CHD6: variants seen among roughly 807,000 people sequenced by gnomAD.
The protein encoded by CHD6 is chromodomain helicase DNA binding protein 6.
In CHD6, 50 loss-of-function variants were observed where a neutral mutation model predicts 276.9. The ratio of observed to expected loss-of-function variants is 0.18; its 90% confidence interval spans 0.14 to 0.23. CHD6 has a LOEUF of 0.23. Ranked by LOEUF, CHD6 falls within the 10% of genes least tolerant of loss-of-function variation. The pLI is 1.00. For missense variants in CHD6, 2,564 were observed against 3,365.8 expected, an observed-to-expected ratio of 0.76 and a Z score of 5.89; for synonymous variants, 1,173 against 1,229.3, an observed-to-expected ratio of 0.95 and a Z score of 0.96.
At chr20:41,445,257 G>A (rs368610352) in intron 25 of CHD6, among the ~76,000 whole-genome samples, 4 of 152,228 alleles carry the variant, frequency 2.6e-5, no homozygotes, top group East Asian at 1.9e-4. Context: ...GTAGATTATC[G>A]AGAATGACCT....
chr20:41,430,120 G>A lies in CHD6; in HGVS notation c.4069-3967C>T, dbSNP rs374075134. 1.2e-3 allele frequency among the ~76,000 whole-genome samples: 179 copies of A among 152,318 alleles called. 4 individuals carry two copies. In the South Asian group the frequency reaches 0.036, roughly 31 times the overall value. ...GGGCAGCAGGCCTGGCTCAGATGCC[G>A]GCCATCCCTCTATGTGTGTGTGGTT... On this transcript the variant is annotated intron_variant, in intron 27 of 36. Coordinates refer to ENST00000373233, the MANE Select transcript of CHD6 (RefSeq NM_032221.5).
At chr20:41,585,850 T>C (rs186253463) in intron 1 of CHD6, among the ~76,000 whole-genome samples, 1 of 152,180 alleles carries the variant, frequency 6.6e-6, no homozygotes, top group South Asian at 2.1e-4. Context: ...TCCTGCAATA[T>C]ATAAAAAAGA....
chr20:41,605,489 T>C (rs2045818169), intron 1 of CHD6, among the ~76,000 whole-genome samples: 1 of 152,326 alleles, frequency 6.6e-6, no homozygotes, highest in South Asian at 2.1e-4. Context: ...TATCCCACAC[T>C]GAGTTCCTGA....
Position 41,455,944 on chromosome 20 carries a change from T to G in CHD6, c.2865A>C (p.Leu955=). 6.3e-7 allele frequency: 1 copy of G among 1,595,892 alleles called. No homozygotes were observed. The highest frequency in any genetic ancestry group is 8.5e-7 in the Non-Finnish European group (1 of 1,172,298). ...QQLSKMEVED[L]LRKGAYGALM... Reference sequence around the variant, plus strand: ...AGGCTCCATAAGCACCTTTCCGGAGTAGGTCCTCCACCTCCATTTTTGAGA... The same window carrying G: ...AGGCTCCATAAGCACCTTTCCGGAGGAGGTCCTCCACCTCCATTTTTGAGA... The change falls in exon 19 of 37, where the codon CTA becomes CTC. Residue 955 remains leucine, a synonymous_variant. Coordinates refer to ENST00000373233, the MANE Select transcript of CHD6 (RefSeq NM_032221.5).
chr20:41,556,134 C>T (rs1333349098), intron 1 of CHD6, among the ~76,000 whole-genome samples: 4 of 152,100 alleles, frequency 2.6e-5, no homozygotes, highest in Non-Finnish European at 4.4e-5. Context: ...CACCTGCAAT[C>T]GCAGGCACTC....
chr20:41,413,402 T>C lies in CHD6; in HGVS notation c.7053A>G (p.Lys2351=). The C allele has an allele frequency of 6.2e-7, 1 of 1,612,154 alleles. No individual in the cohort carries two copies. The highest frequency in any genetic ancestry group is 8.5e-7 in the Non-Finnish European group (1 of 1,179,988). ...PATAASSQAE[K]SIPSKSLLDW... is the part of the protein sequence containing the mutation. ...CAAGCAGACTCTTGCTGGGAATGGA[T>C]TTCTCGGCTTGGCTGCTGGCTGCCG... Residue 2351 remains lysine (K), a synonymous_variant, in exon 35 of 37, where the codon AAA becomes AAG. Coordinates refer to ENST00000373233, the MANE Select transcript of CHD6 (RefSeq NM_032221.5).
intron 33 of CHD6, among the ~76,000 whole-genome samples, chr20:41,416,089 T>C (rs1367740267): frequency 6.6e-6 from 1 of 152,168 alleles, no homozygotes; most frequent in African/African-American, 2.4e-5. Flanking sequence ...TAGTTAATAA[T>C]GTATCTCAAA....
chr20:41,606,983 T>C (rs1413580545), intron 1 of CHD6, among the ~76,000 whole-genome samples: 1 of 152,170 alleles, frequency 6.6e-6, no homozygotes, highest in Non-Finnish European at 1.5e-5. Flanking sequence ...TTAAAACCTC[T>C]GATGACTCCT....
At chr20:41,448,801 A>C (rs955328256) in intron 23 of CHD6, among the ~76,000 whole-genome samples, 17 of 152,220 alleles carry the variant, frequency 1.1e-4, no homozygotes, top group African/African-American at 4.1e-4. Flanking sequence ...TTGTAGGTGG[A>C]AACACACAAA....
chr20:41,599,168 T>C (rs2045748629), intron 1 of CHD6, among the ~76,000 whole-genome samples: 1 of 152,188 alleles, frequency 6.6e-6, no homozygotes. Context: ...AAGGAATAGC[T>C]GAACAATTAG....
chr20:41,464,145 A>C (rs140149816), intron 17 of CHD6, among the ~76,000 whole-genome samples: 3 of 152,352 alleles, frequency 2.0e-5, no homozygotes, highest in African/African-American at 4.8e-5. Flanking sequence ...AAAAATGTAT[A>C]AACATATGAA....
At chr20:41,493,428 TA>T in intron 10 of CHD6, 109 bp downstream of exon 10, 1 of 1,132,722 alleles carries the variant, frequency 8.8e-7, no homozygotes, top group Non-Finnish European at 1.3e-6. Flanking sequence ...GTAACAAAGG[TA>T]AAATACCACA....
In CHD6 at chr20:41,509,964, T is replaced by C. The variant is rs556640444; in HGVS notation, c.852+2882A>G. On this transcript the variant is annotated intron_variant, in intron 5 of 36. Coordinates refer to ENST00000373233, the MANE Select transcript of CHD6 (RefSeq NM_032221.5). ...CACCACTTGGTAACCAATCCTGAGGTTGTGATCTGGGGCTGGGACAAGGGC... is the reference window on the plus strand; with the variant it reads ...CACCACTTGGTAACCAATCCTGAGGCTGTGATCTGGGGCTGGGACAAGGGC... Among the ~76,000 whole-genome samples, 61 of 152,188 alleles carry C rather than the reference T, an allele frequency of 4.0e-4. No homozygotes were observed. The South Asian group carries it at 0.012, about 30-fold the overall frequency.
At chr20:41,604,785 C>A (rs567340105) in intron 1 of CHD6, among the ~76,000 whole-genome samples, 1 of 152,242 alleles carries the variant, frequency 6.6e-6, no homozygotes, top group East Asian at 1.9e-4. Context: ...GGAAGCTGGG[C>A]CACACCATTT....
At chr20:41,476,057 G>C (rs1600956398) in intron 16 of CHD6, among the ~76,000 whole-genome samples, 1 of 152,074 alleles carries the variant, frequency 6.6e-6, no homozygotes, top group African/African-American at 2.4e-5. Context: ...CAGATCCTCT[G>C]GCCATGCCCT....
At position 41,497,409 on chromosome 20, in the gene CHD6, G is replaced by T; in HGVS notation, c.1067C>A (p.Ala356Asp). ...CTCCGTAAAAATGTGCTTCATCTGG[G>T]CTTGTTTATTCCTAAATCGCTTGAT... ...QKIKRFRNKQ[A>D]QMKHIFTEPD... Residue 356 changes from alanine to aspartate, a missense_variant, in exon 8 of 37, where the codon GCC (alanine) becomes GAC (aspartate). Physicochemically the swap from Ala to Asp is moderately radical, Grantham distance 126. Around this residue, in one of 7 missense-constraint regions of CHD6, gnomAD observed 457 missense variants for 889.0 expected, o/e 0.51. Coordinates refer to ENST00000373233, the MANE Select transcript of CHD6 (RefSeq NM_032221.5). The T allele has an allele frequency of 6.2e-7, 1 of 1,613,012 alleles. No homozygotes were observed. The highest frequency in any genetic ancestry group is 8.5e-7 in the Non-Finnish European group (1 of 1,179,072).
chr20:41,578,380 T>C (rs568567663), intron 1 of CHD6, among the ~76,000 whole-genome samples: 1 of 152,342 alleles, frequency 6.6e-6, no homozygotes, highest in Non-Finnish European at 1.5e-5. Context: ...AGCGAATAAA[T>C]GAATTTCCTC....
intron 1 of CHD6, among the ~76,000 whole-genome samples, chr20:41,556,986 T>C (rs73907180): frequency 1.9e-3 from 285 of 152,370 alleles, no homozygotes; most frequent in African/African-American, 6.6e-3. Context: ...GAAATGGCTT[T>C]ACAGTCTCTG....
chr20:41,514,709 T>C, intron 4 of CHD6, 96 bp downstream of exon 4: 1 of 1,385,004 alleles, frequency 7.2e-7, no homozygotes, highest in Non-Finnish European at 9.9e-7. Flanking sequence ...CTAGGGAGTG[T>C]GCTAGAGAAA....
Sources: allele counts gnomAD v4.1 joint callset (sites outside exome capture counted in the v4.1 genomes callset), GRCh38; gene constraint gnomAD v4.1.1; regional missense constraint gnomAD v4.1.1; transcripts MANE v1.5; gene names NCBI Gene and HGNC (gene_info 2026-07-23, HGNC 2026-07-21).